Variants in PUM1 observed in about 807,000 individuals in gnomAD.
The protein encoded by PUM1 is pumilio homolog 1.
Under a neutral mutation model 131.8 loss-of-function variants are expected in PUM1, and 13 were observed. The observed-to-expected ratio is 0.10, with a 90% confidence interval of 0.06 to 0.16. The LOEUF (loss-of-function observed/expected upper bound fraction) is 0.16. Ranked by LOEUF, PUM1 falls within the 10% of genes least tolerant of loss-of-function variation. The pLI, the probability that PUM1 is intolerant of heterozygous loss-of-function variation, is 1.00. For missense variants in PUM1, 961 were observed against 1,512.4 expected (o/e 0.64, Z 6.05); for synonymous variants, 509 against 556.5 (o/e 0.91, Z 1.20).
chr1:30,933,424 T>C (rs1639039287), intron 21 of PUM1, 82 bp from the exon 22 acceptor site: 1 of 1,092,700 alleles, frequency 9.2e-7, no homozygotes, highest in South Asian at 1.3e-5. Flanking sequence ...TTGCATGTCA[T>C]GCATCACACA....
At chr1:31,048,107 C>T (rs190585515) in intron 2 of PUM1, among the ~76,000 whole-genome samples, 6 of 151,720 alleles carry the variant, frequency 4.0e-5, no homozygotes, top group East Asian at 1.9e-4. Flanking sequence ...GGCTTGGTGG[C>T]GGGCGCCTAT....
intron 5 of PUM1, among the ~76,000 whole-genome samples, chr1:30,999,156 T>C (rs1642094843): frequency 6.6e-6 from 1 of 152,106 alleles, no homozygotes; most frequent in South Asian, 2.1e-4. Flanking sequence ...GCACACACCA[T>C]GCCTGGCTGA....
Position 30,968,392 on chromosome 1 carries a change from G to A in PUM1, c.1607C>T (p.Ala536Val), listed in dbSNP as rs1001516832. 1.3e-6 allele frequency: 2 copies of A among 1,592,264 alleles called. No homozygotes were observed. The highest frequency in any genetic ancestry group is 1.4e-5 in the African/African-American group (1 of 73,866). Residue 536 changes from alanine to valine, a missense_variant, in exon 11 of 22, where the codon GCC (alanine) becomes GTC (valine). Physicochemically the swap from Ala to Val is moderately conservative, Grantham distance 64 (BLOSUM62 0). Coordinates refer to ENST00000426105, the MANE Select transcript of PUM1 (RefSeq NM_001020658.2). ...PLVAAAAVNS[A>V]LAFGQGLAAG... ...TGCCAGACCTTGTCCAAATGCAAGGGCAGAATTCACTGCTGCAGCTGCCAC... is the reference window on the plus strand; with the variant it reads ...TGCCAGACCTTGTCCAAATGCAAGGACAGAATTCACTGCTGCAGCTGCCAC...
intron 5 of PUM1, among the ~76,000 whole-genome samples, chr1:31,003,947 C>T (rs1642307172): frequency 6.6e-6 from 1 of 152,174 alleles, no homozygotes; most frequent in South Asian, 2.1e-4. Flanking sequence ...AGCTGGAACA[C>T]AGATTTGGAG....
intron 2 of PUM1, among the ~76,000 whole-genome samples, chr1:31,058,519 C>T (rs1644297037): frequency 6.6e-6 from 1 of 151,920 alleles, no homozygotes; most frequent in African/African-American, 2.4e-5. Flanking sequence ...AAAAATTAGC[C>T]AGGCATGGTG....
chr1:30,964,895 G>C lies in PUM1; in HGVS notation c.2102C>G (p.Thr701Ser). The C allele has an allele frequency of 6.2e-7, 1 of 1,614,086 alleles. No homozygotes were observed. The highest frequency in any genetic ancestry group is 8.5e-7 in the Non-Finnish European group (1 of 1,179,984). Reference sequence around the variant, plus strand: ...GGAGTCACGGCGGGAGCCACTGCCAGTGTTGGAGTTTGCAACTAAAATGGA... The same window carrying C: ...GGAGTCACGGCGGGAGCCACTGCCACTGTTGGAGTTTGCAACTAAAATGGA... ...GFGTAVANSN[T>S]GSGSRRDSLT... Residue 701 changes from threonine to serine, a missense_variant, in exon 14 of 22, where the codon ACT becomes AGT. Transcript: ENST00000426105.
intron 20 of PUM1, among the ~76,000 whole-genome samples, chr1:30,937,698 C>A (rs1639270594): frequency 6.6e-6 from 1 of 152,012 alleles, no homozygotes; most frequent in Non-Finnish European, 1.5e-5. Context: ...ACAGAAGAGT[C>A]AATGAACTTG....
intron 9 of PUM1, among the ~76,000 whole-genome samples, chr1:30,975,497 C>T (rs927347771): frequency 7.4e-5 from 11 of 149,350 alleles, no homozygotes; most frequent in Non-Finnish European, 1.5e-4. Flanking sequence ...ATTACAGATG[C>T]ATGCCACTAT....
intron 20 of PUM1, among the ~76,000 whole-genome samples, chr1:30,937,136 C>T (rs1230688281): frequency 6.6e-6 from 1 of 152,086 alleles, no homozygotes; most frequent in Non-Finnish European, 1.5e-5. Flanking sequence ...TACTGACCAC[C>T]CAGAGAGACC....
chr1:31,009,014 A>C (rs1642494858), intron 3 of PUM1, among the ~76,000 whole-genome samples: 1 of 127,432 alleles, frequency 7.8e-6, no homozygotes, highest in Non-Finnish European at 1.6e-5. Flanking sequence ...TTTACTAAAA[A>C]TACAAAAAAA....
chr1:31,042,293 G>A lies in PUM1; in HGVS notation c.364-13429C>T, dbSNP rs753611370. ...TGCACTCCAACCTGGGCAACAGAGC[G>A]AGACTCTGTATCAAAAATAAATAAA... is the stretch of plus-strand genomic sequence containing the variant. On this transcript the variant is annotated intron_variant, in intron 2 of 21. Coordinates refer to ENST00000426105, the MANE Select transcript of PUM1 (RefSeq NM_001020658.2). 2.1e-4 allele frequency among the ~76,000 whole-genome samples: 32 copies of A among 150,446 alleles called. 1 individual carries two copies. The highest frequency in any genetic ancestry group is 2.1e-4 in the South Asian group (1 of 4,752).
Position 30,933,325 on chromosome 1 carries a change from T to G in PUM1, c.3453A>C (p.Ala1151=), listed in dbSNP as rs1639033319. 1 of 1,613,896 alleles carries G rather than the reference T, an allele frequency of 6.2e-7. No homozygotes were observed. The highest frequency in any genetic ancestry group is 2.2e-5 in the East Asian group (1 of 44,860). ...IVMHKIRPHI[A]TLRKYTYGKH... ...TGCCATAGGTGTACTTACGAAGAGT[T>G]GCGATGTGGGGCCGGATCTGGGGAG... The change falls in exon 22 of 22, where the codon GCA becomes GCC. Residue 1151 remains alanine, a synonymous_variant. Transcript: ENST00000426105.
intron 9 of PUM1, among the ~76,000 whole-genome samples, chr1:30,976,061 C>A (rs556028380): frequency 1.4e-5 from 2 of 145,460 alleles, no homozygotes; most frequent in Non-Finnish European, 3.0e-5. Flanking sequence ...GCACTCCAGC[C>A]TGGGCAACAG....
At chr1:30,972,338 G>A (rs1352895267) in intron 10 of PUM1, among the ~76,000 whole-genome samples, 2 of 30 alleles carry the variant, frequency 0.067, 1 homozygote, top group Non-Finnish European at 0.1. Context: ...GGAGGGGAGG[G>A]GAGGGGAGGG....
intron 3 of PUM1, among the ~76,000 whole-genome samples, chr1:31,026,990 A>T (rs1383774504): frequency 6.6e-6 from 1 of 151,870 alleles, no homozygotes; most frequent in Non-Finnish European, 1.5e-5. Flanking sequence ...AAAAAATGAT[A>T]AAAAAAGAAT....
intron 21 of PUM1, among the ~76,000 whole-genome samples, chr1:30,934,833 C>G (rs77054916): frequency 0.043 from 6,558 of 152,222 alleles, 429 homozygotes; most frequent in African/African-American, 0.15. Flanking sequence ...CAAAAAACCC[C>G]TAACAAGCCA....
chr1:30,941,061 C>T, intron 20 of PUM1, 90 bp downstream of exon 20: 1 of 1,389,092 alleles, frequency 7.2e-7, no homozygotes, highest in Non-Finnish European at 9.7e-7. Context: ...ACAACAACAA[C>T]AACAACAACA....
intron 17 of PUM1, among the ~76,000 whole-genome samples, chr1:30,946,952 G>A (rs1326138559): frequency 1.3e-5 from 2 of 152,006 alleles, no homozygotes; most frequent in Admixed American, 6.6e-5. Context: ...ACAATTAATC[G>A]TGTTTTTATT....
intron 14 of PUM1, among the ~76,000 whole-genome samples, chr1:30,958,265 A>G (rs1414816276): frequency 1.3e-5 from 2 of 152,224 alleles, no homozygotes; most frequent in East Asian, 3.8e-4. Flanking sequence ...AATAAAACTA[A>G]ATGCTTTTTA....
Sources: allele counts gnomAD v4.1 joint callset (sites outside exome capture counted in the v4.1 genomes callset), GRCh38; gene constraint gnomAD v4.1.1; transcripts MANE v1.5; gene names NCBI Gene and HGNC (gene_info 2026-07-23, HGNC 2026-07-21).